C3orf49: variants seen among roughly 807,000 people sequenced by gnomAD.
The protein encoded by C3orf49 is chromosome 3 open reading frame 49, also known as putative uncharacterized protein C3orf49.
In C3orf49, 27 loss-of-function variants were observed where a neutral mutation model predicts 13.3. That is an observed-to-expected ratio of 2.02 (90% confidence interval 1.49 to 2.79). C3orf49 has a LOEUF of 2.79. Among genes scored for constraint, C3orf49 ranks in the 30% most tolerant of loss-of-function variants. C3orf49 has a pLI of 0.00. For synonymous variants in C3orf49, 87 were observed against 47.6 expected, an observed-to-expected ratio of 1.83 and a Z score of -3.40; for missense variants, 242 against 134.2, an observed-to-expected ratio of 1.80 and a Z score of -3.97.
Position 63,831,106 on chromosome 3 carries a change from A to G in C3orf49, c.571-4A>G, listed in dbSNP as rs764356944. ...ATCTGATGTGTTTTGCATTTTTACC[A>G]TAGGGGCCATATTCACCAAAAAAGA... On this transcript the variant is annotated splice_polypyrimidine_tract_variant and splice_region_variant and intron_variant, in intron 3 of 6. Coordinates refer to ENST00000295896, the MANE Select transcript of C3orf49 (RefSeq NM_001355236.2). 3 of 697,146 alleles carry G rather than the reference A, an allele frequency of 4.3e-6. No homozygotes were observed. The highest frequency in any genetic ancestry group is 2.7e-5 in the East Asian group (1 of 37,232). 43.2% of individuals were successfully genotyped at this position (697,146 alleles called of 1,614,324 possible).
the C3orf49 span, among the ~76,000 whole-genome samples, chr3:63,786,317 T>C: frequency 6.6e-6 from 1 of 152,300 alleles, no homozygotes; most frequent in Admixed American, 6.5e-5. Flanking sequence ...CAAGTTTCTA[T>C]TCTTGAAAAA....
At chr3:63,802,046 A>G in the C3orf49 span, among the ~76,000 whole-genome samples, 1 of 152,236 alleles carries the variant, frequency 6.6e-6, no homozygotes, top group South Asian at 2.1e-4. Flanking sequence ...CCATCCAGGG[A>G]ATAGGCAGGG....
chr3:63,836,259 G>A, intron 5 of C3orf49: 1 of 1,580,408 alleles, frequency 6.3e-7, no homozygotes, highest in Non-Finnish European at 8.6e-7. Flanking sequence ...GAGCATTTAT[G>A]TATAAAGGTT....
intron 5 of C3orf49, among the ~76,000 whole-genome samples, chr3:63,840,599 G>C (rs1701735294): frequency 6.6e-6 from 1 of 151,864 alleles, no homozygotes; most frequent in South Asian, 2.1e-4. Context: ...TGTCTCCAAA[G>C]AAAAAAATAA....
chr3:63,792,064 T>C, the C3orf49 span, among the ~76,000 whole-genome samples: 1 of 152,250 alleles, frequency 6.6e-6, no homozygotes, highest in African/African-American at 2.4e-5. Flanking sequence ...ACATTTGCAG[T>C]GTGTAACACA....
At chr3:63,811,653 G>A in the C3orf49 span, among the ~76,000 whole-genome samples, 2 of 151,794 alleles carry the variant, frequency 1.3e-5, no homozygotes, top group East Asian at 1.9e-4. Flanking sequence ...AGGCTGGGGT[G>A]GGAAGATCAC....
At chr3:63,832,373 T>C (rs1278389872) in intron 5 of C3orf49, among the ~76,000 whole-genome samples, 1 of 152,028 alleles carries the variant, frequency 6.6e-6, no homozygotes, top group Non-Finnish European at 1.5e-5. Context: ...AAAACTGGTA[T>C]TTGTCTGGGG....
At chr3:63,835,068 C>T in intron 5 of C3orf49, 1 of 1,344,826 alleles carries the variant, frequency 7.4e-7, no homozygotes, top group Non-Finnish European at 1.0e-6. Flanking sequence ...TATACTGTCT[C>T]TCCAAGATGT....
At chr3:63,816,596 C>CA (rs1404834560), upstream of C3orf49, among the ~76,000 whole-genome samples, 4 of 150,832 alleles carry the variant, frequency 2.7e-5, no homozygotes, top group African/African-American at 9.7e-5. Context: ...ACAACAACAA[C>CA]AACAAACAAA....
the C3orf49 span, among the ~76,000 whole-genome samples, chr3:63,814,113 C>G: frequency 6.6e-6 from 1 of 152,090 alleles, no homozygotes; most frequent in Non-Finnish European, 1.5e-5. Context: ...GGGCCAGGAG[C>G]CAACTGAATG....
the C3orf49 span, among the ~76,000 whole-genome samples, chr3:63,803,206 G>T: frequency 6.6e-6 from 1 of 152,144 alleles, no homozygotes; most frequent in African/African-American, 2.4e-5. Flanking sequence ...AGTGTGGGAG[G>T]TGGATTTAAT....
chr3:63,784,162 G>C, the C3orf49 span, among the ~76,000 whole-genome samples: 1 of 152,140 alleles, frequency 6.6e-6, no homozygotes, highest in African/African-American at 2.4e-5. Flanking sequence ...GCAAACAAAG[G>C]TTAACTTGTC....
chr3:63,835,526 G>T, intron 5 of C3orf49: 2 of 613,064 alleles, frequency 3.3e-6, no homozygotes, highest in South Asian at 3.0e-5. Context: ...ACTCCATTAT[G>T]GTGAAACTTT....
chr3:63,795,538 T>C, the C3orf49 span, among the ~76,000 whole-genome samples: 1 of 152,104 alleles, frequency 6.6e-6, no homozygotes, highest in Non-Finnish European at 1.5e-5. Flanking sequence ...TGGGAGACAC[T>C]CCACTCTCCT....
the C3orf49 span, among the ~76,000 whole-genome samples, chr3:63,813,367 G>A: frequency 6.6e-6 from 1 of 152,300 alleles, no homozygotes; most frequent in Middle Eastern, 3.4e-3. Flanking sequence ...CAGCATCTGA[G>A]AGGACATTTT....
At chr3:63,828,496 C>T (rs976534778) in intron 3 of C3orf49, among the ~76,000 whole-genome samples, 3 of 152,244 alleles carry the variant, frequency 2.0e-5, no homozygotes, top group African/African-American at 7.2e-5. Context: ...GACAGCGTTT[C>T]GCCATGTTGG....
chr3:63,844,978 G>A, intron 5 of C3orf49, 45 bp from the exon 6 acceptor site: 1 of 665,620 alleles, frequency 1.5e-6, no homozygotes, highest in Non-Finnish European at 2.7e-6. Context: ...CATAAATAAA[G>A]ACAATTGAGA....
chr3:63,823,472 C>T lies in C3orf49; in HGVS notation c.348C>T (p.Ala116=), dbSNP rs1419902236. The T allele has an allele frequency of 4.3e-6, 3 of 702,994 alleles. No individual in the cohort carries two copies. The highest frequency in any genetic ancestry group is 7.8e-6 in the Non-Finnish European group (3 of 385,054). 43.5% of individuals were successfully genotyped at this position (702,994 alleles called of 1,614,324 possible). The change falls in exon 2 of 7, where the codon GCC becomes GCT. Residue 116 remains alanine (A), a synonymous_variant. Transcript: ENST00000295896. ...SQEGSTDHKE[A]LLSNTQSLLP... Reference sequence around the variant, plus strand: ...AGGGCTCCACTGACCATAAAGAAGCCCTCCTGTCAAACACGCAGAGCCTTC... The same window carrying T: ...AGGGCTCCACTGACCATAAAGAAGCTCTCCTGTCAAACACGCAGAGCCTTC...
chr3:63,828,586 C>T (rs1701495107), intron 3 of C3orf49, among the ~76,000 whole-genome samples: 1 of 152,170 alleles, frequency 6.6e-6, no homozygotes, highest in Admixed American at 6.5e-5. Context: ...AGATGTAAGC[C>T]ACCGTTACTG....
Sources: gnomAD v4.1 joint callset for allele counts (sites outside exome capture counted in the v4.1 genomes callset) on GRCh38, gnomAD v4.1.1 for gene constraint, MANE v1.5 for transcripts, NCBI Gene and HGNC (gene_info 2026-07-23, HGNC 2026-07-21) for gene names.